The following ABCC12 variants were observed in gnomAD, a reference collection of about 807,000 sequenced individuals.
The protein encoded by ABCC12 is ATP-binding cassette sub-family C member 12.
Under a neutral mutation model 151.1 loss-of-function variants are expected in ABCC12, and 142 were observed. The observed-to-expected ratio is 0.94, with a 90% CI of 0.82 to 1.08. The LOEUF is 1.08. Among genes scored for constraint, ABCC12 ranks in the 50% least tolerant of loss-of-function variants. ABCC12 has a pLI of 0.00. For synonymous variants in ABCC12, 645 were observed against 646.4 expected (o/e 1.00, Z 0.03); for missense variants, 1,638 against 1,691.1 (o/e 0.97, Z 0.55).
chr16:48,089,202 G>A (rs190557025), intron 25 of ABCC12, among the ~76,000 whole-genome samples: 10 of 152,304 alleles, frequency 6.6e-5, no homozygotes, highest in East Asian at 3.9e-4. Flanking sequence ...GGAGCTTAGC[G>A]AATAGAGGGA....
At chr16:48,147,411 A>G (rs901933024) in intron 2 of ABCC12, among the ~76,000 whole-genome samples, 1 of 152,132 alleles carries the variant, frequency 6.6e-6, no homozygotes, top group Admixed American at 6.5e-5. Flanking sequence ...GCCACTTGCA[A>G]ACAAAGGCCT....
At chr16:48,112,469 A>C (rs1407504388) in intron 15 of ABCC12, among the ~76,000 whole-genome samples, 3 of 152,090 alleles carry the variant, frequency 2.0e-5, no homozygotes, top group Non-Finnish European at 2.9e-5. Context: ...GGTGGCGTGC[A>C]CCTATAATCC....
At chr16:48,141,974 A>G (rs1158591488) in intron 4 of ABCC12, among the ~76,000 whole-genome samples, 1 of 152,246 alleles carries the variant, frequency 6.6e-6, no homozygotes, top group Admixed American at 6.5e-5. Context: ...GTGAGACCAC[A>G]GCAGGAGATT....
intron 15 of ABCC12, among the ~76,000 whole-genome samples, chr16:48,113,242 C>G (rs1214941943): frequency 1.3e-5 from 2 of 152,190 alleles, no homozygotes; most frequent in Non-Finnish European, 2.9e-5. Flanking sequence ...GATAACAGTT[C>G]TAACAGCTTG....
Position 48,115,411 on chromosome 16 carries a change from T to A in ABCC12, c.1989+4A>T. On this transcript the variant is annotated splice_donor_region_variant and intron_variant, in intron 15 of 30. Coordinates refer to ENST00000311303, the MANE Select transcript of ABCC12 (RefSeq NM_001393797.1). The stretch of plus-strand genomic sequence containing the variant: ...GACCTCCTGGATCCTGCATGTCCCA[T>A]CACCTGTAGCTGGTGGGTCACCAGG... 1.2e-6 allele frequency: 2 copies of A among 1,613,672 alleles called. No individual in the cohort carries two copies. The highest frequency in any genetic ancestry group is 2.2e-5 in the East Asian group (1 of 44,870).
At position 48,136,125 on chromosome 16, in the gene ABCC12, C is replaced by T. The variant is rs116363450; in HGVS notation, c.979+2103G>A. Among the ~76,000 whole-genome samples, 515 of 152,314 alleles carry T rather than the reference C, an allele frequency of 3.4e-3. 4 individuals carry two copies. The highest frequency in any genetic ancestry group is 0.012 in the African/African-American group (484 of 41,572). ...TTGCGCAGGTTTGCTTCACTGAAAA[C>T]TTGCCTTTTCAGTGATCAGGGCAGA... On this transcript the variant is annotated intron_variant, in intron 8 of 30. Transcript: ENST00000311303.
At chr16:48,125,548 T>G (rs1370878941) in intron 11 of ABCC12, among the ~76,000 whole-genome samples, 9 of 152,044 alleles carry the variant, frequency 5.9e-5, no homozygotes, top group Non-Finnish European at 1.5e-5. Context: ...TGCCATGGGG[T>G]ATCTGGGGAG....
At chr16:48,088,885 T>C in intron 25 of ABCC12, 151 bp from the exon 26 acceptor site, 3 of 657,408 alleles carry the variant, frequency 4.6e-6, no homozygotes, top group Non-Finnish European at 4.8e-6. Flanking sequence ...AAACTCACAT[T>C]CCAGTGGGGA....
chr16:48,108,565 A>G, intron 18 of ABCC12, 36 bp from the exon 19 acceptor site: 1 of 1,587,524 alleles, frequency 6.3e-7, no homozygotes. Context: ...GGCTCTCACC[A>G]CTGGGGTGGG....
chr16:48,111,709 C>A (rs777727254), intron 16 of ABCC12, 47 bp from the exon 17 acceptor site: 1 of 1,613,960 alleles, frequency 6.2e-7, no homozygotes, highest in Non-Finnish European at 8.5e-7. Context: ...GACAGGACCT[C>A]TCCCAGGCAC....
At chr16:48,129,820 A>G (rs145261793) in intron 10 of ABCC12, among the ~76,000 whole-genome samples, 2 of 152,338 alleles carry the variant, frequency 1.3e-5, no homozygotes, top group African/African-American at 4.8e-5. Context: ...GCCATCCTTT[A>G]TCTAGTCTAA....
chr16:48,141,351 A>G lies in ABCC12; in HGVS notation c.278T>C (p.Phe93Ser). The stretch of plus-strand genomic sequence containing the variant: ...TACCTCTTCATCCCAAAGGACTCGA[A>G]ATCTGTGATGAAAAAACAGAAGCAT... ...YDSSDTNAKRFRVLWDEEVAR... is the reference protein window; with the variant it reads ...YDSSDTNAKRSRVLWDEEVAR... The change falls in exon 5 of 31, where the codon TTT becomes TCT. Residue 93 changes from phenylalanine to serine, a missense_variant and splice_region_variant. Physicochemically the swap from Phe to Ser is radical, Grantham distance 155. Transcript: ENST00000311303. 4 of 1,613,682 alleles carry G rather than the reference A, an allele frequency of 2.5e-6. No homozygotes were observed. Among genetic ancestry groups the G allele is most frequent in the Non-Finnish European group, 2.5e-6 (3 of 1,179,968 alleles).
chr16:48,131,479 G>C (rs111987232), intron 9 of ABCC12, among the ~76,000 whole-genome samples: 7 of 152,220 alleles, frequency 4.6e-5, no homozygotes, highest in African/African-American at 1.7e-4. Flanking sequence ...GAGAGCCTTT[G>C]GTCAACTGTG....
At chr16:48,090,835 C>T (rs1003175343) in intron 25 of ABCC12, among the ~76,000 whole-genome samples, 1 of 152,064 alleles carries the variant, frequency 6.6e-6, no homozygotes, top group South Asian at 2.1e-4. Flanking sequence ...TCTAGTCTCC[C>T]GAGTAGCTGG....
At chr16:48,099,025 T>C (rs1348862637) in intron 23 of ABCC12, among the ~76,000 whole-genome samples, 1 of 152,212 alleles carries the variant, frequency 6.6e-6, no homozygotes, top group African/African-American at 2.4e-5. Flanking sequence ...GACTAGGTGC[T>C]GACTGAACTA....
rs528230179 is a variant in ABCC12 at position 48,081,602 on chromosome 16, G to T, written c.*2113C>A. Among the ~76,000 whole-genome samples, 2 of 152,322 alleles carry T rather than the reference G, an allele frequency of 1.3e-5. No individual in the cohort carries two copies. The highest frequency in any genetic ancestry group is 1.3e-4 in the Admixed American group (2 of 15,300). ...AGTGAGCCTCAAATCCCATCTCATG[G>T]GGTGAGATGAGGATTCAGTGAAATA... On this transcript the variant is annotated 3_prime_UTR_variant, in exon 31 of 31. Transcript: ENST00000311303.
intron 12 of ABCC12, among the ~76,000 whole-genome samples, chr16:48,123,112 A>G (rs1401471633): frequency 6.6e-6 from 1 of 152,282 alleles, no homozygotes; most frequent in African/African-American, 2.4e-5. Flanking sequence ...TCCAAAGGAC[A>G]GAAATTAAAA....
chr16:48,108,464 GAT>G lies in ABCC12; in HGVS notation c.2345_2346del (p.Tyr782SerfsTer5). ...CCTCCAGAAGCCTTAATGTACGTGT[GAT>G]ATGTTTTCCAGGTCACGGTTCCTTC... ...PQEGTVTWKT[Y>X]HTYIKASGGY... On this transcript the variant is annotated frameshift_variant, in exon 19 of 31. Coordinates refer to ENST00000311303, the MANE Select transcript of ABCC12 (RefSeq NM_001393797.1). LOFTEE classifies it high-confidence loss of function. The G allele has an allele frequency of 6.2e-7, 1 of 1,614,166 alleles. No homozygotes were observed. The highest frequency in any genetic ancestry group is 2.2e-5 in the East Asian group (1 of 44,888).
At chr16:48,106,187 A>G (rs561781124) in intron 20 of ABCC12, among the ~76,000 whole-genome samples, 4 of 152,344 alleles carry the variant, frequency 2.6e-5, no homozygotes, top group African/African-American at 9.6e-5. Context: ...ATGGATGAAC[A>G]TCGTTAAAAG....
Sources: gnomAD v4.1 joint callset for allele counts (sites outside exome capture counted in the v4.1 genomes callset) on GRCh38, gnomAD v4.1.1 for gene constraint, MANE v1.5 for transcripts, NCBI Gene and HGNC (gene_info 2026-07-23, HGNC 2026-07-21) for gene names.